Variants in PRG3 observed in about 807,000 individuals in gnomAD.
The protein encoded by PRG3 is proteoglycan 3.
PRG3 carries 25 observed loss-of-function variants against 26.1 expected under a neutral mutation model. The ratio of observed to expected loss-of-function variants is 0.96; its 90% CI spans 0.70 to 1.34. The LOEUF is 1.34. PRG3 is among the 40% of genes most tolerant of loss of function. The pLI is 0.00. For missense variants in PRG3, 280 were observed against 264.8 expected (o/e 1.06, Z -0.40); for synonymous variants, 111 against 100.4 (o/e 1.11, Z -0.63).
At chr11:57,380,439 A>C (rs1856988644) in intron 2 of PRG3, among the ~76,000 whole-genome samples, 1 of 151,892 alleles carries the variant, frequency 6.6e-6, no homozygotes, top group African/African-American at 2.4e-5. Flanking sequence ...AAACAAAAAC[A>C]ACAACAACAA....
At chr11:57,376,986 C>A in intron 5 of PRG3, 78 bp from the exon 6 acceptor site, 1 of 1,422,998 alleles carries the variant, frequency 7.0e-7, no homozygotes, top group Non-Finnish European at 9.8e-7. Context: ...TCCTCAGGGG[C>A]CCCCTATGTC....
At chr11:57,379,421 T>A in intron 3 of PRG3, 73 bp downstream of exon 3, 3 of 1,406,684 alleles carry the variant, frequency 2.1e-6, no homozygotes, top group Non-Finnish European at 2.9e-6. Context: ...CTAGCCTAAA[T>A]GAATAGGGAA....
intron 2 of PRG3, among the ~76,000 whole-genome samples, chr11:57,380,202 C>A (rs1189360236): frequency 1.3e-5 from 2 of 152,110 alleles, no homozygotes; most frequent in Admixed American, 1.3e-4. Flanking sequence ...GAGTTTGAGA[C>A]CAGCCTGGCA....
Position 57,377,816 on chromosome 11 carries a change from G to A in PRG3, c.528C>T (p.Cys176=), listed in dbSNP as rs1316832222. 1.9e-6 allele frequency: 3 copies of A among 1,612,822 alleles called. No homozygotes were observed. The highest frequency in any genetic ancestry group is 2.5e-6 in the Non-Finnish European group (3 of 1,179,918). The change falls in exon 5 of 6, where the codon TGC becomes TGT. Residue 176 remains cysteine (C), a synonymous_variant. Transcript: ENST00000287143. ...AATTCCAGTGGCTCCCATCAGTCCAGCAAAACCGCTTCCACAGGAACTAGA... is the reference window on the plus strand; with the variant it reads ...AATTCCAGTGGCTCCCATCAGTCCAACAAAACCGCTTCCACAGGAACTAGA... The part of the protein sequence containing the change: ...LRGWFLWKRF[C]WTDGSHWNFA...
intron 4 of PRG3, among the ~76,000 whole-genome samples, chr11:57,378,059 G>A (rs1856961157): frequency 6.6e-6 from 1 of 152,138 alleles, no homozygotes; most frequent in South Asian, 2.1e-4. Context: ...ATCTCCTGGG[G>A]ATCTTGTTAA....
rs1856959447 is a variant in PRG3 at position 57,377,842 on chromosome 11, G to A, written c.508-6C>T. 6.2e-7 allele frequency: 1 copy of A among 1,609,416 alleles called. No homozygotes were observed. The highest frequency in any genetic ancestry group is 2.2e-5 in the East Asian group (1 of 44,848). On this transcript the variant is annotated splice_polypyrimidine_tract_variant and splice_region_variant and intron_variant, in intron 4 of 5. Coordinates refer to ENST00000287143, the MANE Select transcript of PRG3 (RefSeq NM_006093.4). ...CAAAACCGCTTCCACAGGAACTAGAGAAGTGACAGGCTAGGTCAGAGGGCA... is the reference window on the plus strand; with the variant it reads ...CAAAACCGCTTCCACAGGAACTAGAAAAGTGACAGGCTAGGTCAGAGGGCA...
intron 3 of PRG3, 106 bp from the exon 4 acceptor site, chr11:57,378,918 G>T: frequency 7.5e-7 from 1 of 1,339,656 alleles, no homozygotes; most frequent in Non-Finnish European, 1.0e-6. Flanking sequence ...AAACCTACTT[G>T]CCTCCCTTAA....
Position 57,379,604 on chromosome 11 carries a change from C to G in PRG3, c.265G>C (p.Asp89His), listed in dbSNP as rs750865717. 6.2e-7 allele frequency: 1 copy of G among 1,613,966 alleles called. No homozygotes were observed. The highest frequency in any genetic ancestry group is 8.5e-7 in the Non-Finnish European group (1 of 1,180,024). ...MESDPAALDK[D>H]FQCPREEDIV... ...TCTTCTTCCCTGGGGCACTGGAAGTCCTTGTCTAAGGCAGCTGGGTCCGAC... is the reference window on the plus strand; with the variant it reads ...TCTTCTTCCCTGGGGCACTGGAAGTGCTTGTCTAAGGCAGCTGGGTCCGAC... Residue 89 changes from aspartate (D) to histidine (H), a missense_variant, in exon 3 of 6, where the codon GAC (aspartate) becomes CAC (histidine). By Grantham distance (81) the Asp-to-His change is moderately conservative. Coordinates refer to ENST00000287143, the MANE Select transcript of PRG3 (RefSeq NM_006093.4).
chr11:57,378,878 G>C, intron 3 of PRG3, 66 bp from the exon 4 acceptor site: 3 of 1,593,398 alleles, frequency 1.9e-6, no homozygotes, highest in African/African-American at 2.7e-5. Flanking sequence ...CTCCAGGCAA[G>C]AGCCCGGCAT....
intron 4 of PRG3, among the ~76,000 whole-genome samples, chr11:57,378,330 T>C (rs1178475616): frequency 2.0e-5 from 3 of 152,174 alleles, no homozygotes; most frequent in African/African-American, 7.2e-5. Context: ...GGGCCTGGAC[T>C]CTGTCTCATG....
rs767070076 is a variant in PRG3 at position 57,379,591 on chromosome 11, G to A, written c.278C>T (p.Pro93Leu). ...CACTTCAACAATGTCTTCTTCCCTG[G>A]GGCACTGGAAGTCCTTGTCTAAGGC... ...PAALDKDFQC[P>L]REEDIVEVQG... The change falls in exon 3 of 6, where the codon CCC becomes CTC. Residue 93 changes from proline (P) to leucine (L), a missense_variant. Physicochemically the swap from Pro to Leu is moderately conservative, Grantham distance 98 (BLOSUM62 -3). Coordinates refer to ENST00000287143, the MANE Select transcript of PRG3 (RefSeq NM_006093.4). 2 of 1,613,748 alleles carry A rather than the reference G, an allele frequency of 1.2e-6. No individual in the cohort carries two copies. The highest frequency in any genetic ancestry group is 2.2e-5 in the East Asian group (1 of 44,898).
chr11:57,377,222 C>T (rs182550093), intron 5 of PRG3, among the ~76,000 whole-genome samples: 4 of 152,198 alleles, frequency 2.6e-5, no homozygotes, highest in South Asian at 2.1e-4. Flanking sequence ...AAACAACGTG[C>T]CTGTATCTCA....
At chr11:57,379,936 G>A in intron 2 of PRG3, 129 bp from the exon 3 acceptor site, 1 of 879,080 alleles carries the variant, frequency 1.1e-6, no homozygotes, top group South Asian at 1.8e-5. Context: ...GATTTCCTTG[G>A]TGTTAGGTAA....
At chr11:57,379,037 T>C (rs1856972503) in intron 3 of PRG3, among the ~76,000 whole-genome samples, 1 of 152,232 alleles carries the variant, frequency 6.6e-6, no homozygotes, top group South Asian at 2.1e-4. Flanking sequence ...GCCCAGTGAC[T>C]ATTCCAAACA....
At chr11:57,380,562 A>G (rs919826549) in intron 2 of PRG3, 86 bp downstream of exon 2, 5 of 1,238,224 alleles carry the variant, frequency 4.0e-6, no homozygotes, top group Non-Finnish European at 5.6e-6. Context: ...TCCTGGCCTC[A>G]TGAGTGCAAA....
chr11:57,379,391 A>T (rs946646819), intron 3 of PRG3, 103 bp downstream of exon 3: 2 of 1,175,542 alleles, frequency 1.7e-6, no homozygotes, highest in Non-Finnish European at 2.4e-6. Context: ...ATTCTGATGC[A>T]TGCGAGGCTT....
intron 1 of PRG3, 148 bp from the exon 2 acceptor site, chr11:57,380,929 T>G: frequency 2.3e-6 from 1 of 429,640 alleles, no homozygotes; most frequent in Non-Finnish European, 4.1e-6. Context: ...CAAATTTCAT[T>G]TGTCTTCCAG....
chr11:57,376,874 T>C lies in PRG3; in HGVS notation c.654A>G (p.Gln218=), dbSNP rs150805361. Reference sequence around the variant, plus strand: ...CTTAGAAGGAGCAGACGAAGGGCAGTTGCTTGTCGCATTGAGCTCGTCGCC... The same window carrying C: ...CTTAGAAGGAGCAGACGAAGGGCAGCTGCTTGTCGCATTGAGCTCGTCGCC... ...GYWRRAQCDK[Q]LPFVCSF Residue 218 remains glutamine, a synonymous_variant, in exon 6 of 6, where the codon CAA becomes CAG. Coordinates refer to ENST00000287143, the MANE Select transcript of PRG3 (RefSeq NM_006093.4). 2.9e-5 allele frequency: 47 copies of C among 1,612,400 alleles called. No homozygotes were observed. The highest frequency in any genetic ancestry group is 4.0e-5 in the Non-Finnish European group (47 of 1,179,862).
In PRG3 at chr11:57,380,742, C is replaced by A. The variant is rs376605942; in HGVS notation, c.-34G>T. ...TCTTTTAGCGAGGACACTACTCCAC[C>A]GTCCTTCTTGGGGCTGTCTTTGTGT... On this transcript the variant is annotated 5_prime_UTR_variant, in exon 2 of 6. Transcript: ENST00000287143. 1 of 1,456,732 alleles carries A rather than the reference C, an allele frequency of 6.9e-7. No individual in the cohort carries two copies. The highest frequency in any genetic ancestry group is 1.4e-5 in the South Asian group (1 of 72,354). The allele number at this position is 1,456,732 out of a possible 1,614,324, so 90.2% of individuals were successfully genotyped here. A position where few individuals can be genotyped will look rare whatever the true frequency, so the allele number is the denominator to read the frequency against.
Sources: allele counts gnomAD v4.1 joint callset (sites outside exome capture counted in the v4.1 genomes callset), GRCh38; gene constraint gnomAD v4.1.1; transcripts MANE v1.5; gene names NCBI Gene and HGNC (gene_info 2026-07-23, HGNC 2026-07-21).